The following LYSMD2 variants were observed in gnomAD, a reference collection of about 807,000 sequenced individuals.
LYSMD2 encodes lysM and putative peptidoglycan-binding domain-containing protein 2.
In LYSMD2, 6 loss-of-function variants were observed where a neutral mutation model predicts 17.7. That is an observed-to-expected ratio of 0.34 (90% CI 0.19 to 0.67). The LOEUF is 0.67. Among genes scored for constraint, LYSMD2 ranks in the 30% least tolerant of loss-of-function variants. The probability of loss-of-function intolerance (pLI) is 0.69; values close to 1 mark genes in which losing one functional copy is unlikely to be tolerated. For synonymous variants in LYSMD2, 102 were observed against 129.8 expected (o/e 0.79, Z 1.45); for missense variants, 237 against 286.7 (o/e 0.83, Z 1.25).
At chr15:51,735,656 A>G (rs909169110) in intron 1 of LYSMD2, among the ~76,000 whole-genome samples, 15 of 152,230 alleles carry the variant, frequency 9.9e-5, no homozygotes, top group African/African-American at 2.2e-4. Context: ...AATTTTAAAA[A>G]GGGGTAATGA....
chr15:51,733,604 T>G (rs2055590306), intron 1 of LYSMD2, among the ~76,000 whole-genome samples: 1 of 151,840 alleles, frequency 6.6e-6, no homozygotes, highest in South Asian at 2.1e-4. Flanking sequence ...AGGGAACAAA[T>G]CACTCAGCCA....
chr15:51,749,089 A>G (rs538630745), intron 1 of LYSMD2, among the ~76,000 whole-genome samples: 108 of 152,326 alleles, frequency 7.1e-4, no homozygotes, highest in Non-Finnish European at 1.3e-3. Context: ...TTCTGTTTCA[A>G]TTTTACATTT....
At chr15:51,730,378 T>A (rs1567228014) in intron 1 of LYSMD2, among the ~76,000 whole-genome samples, 1 of 152,220 alleles carries the variant, frequency 6.6e-6, no homozygotes, top group East Asian at 1.9e-4. Context: ...TAGCTGGGTG[T>A]GGTGGTGCAC....
At chr15:51,739,969 T>C (rs1270077523), upstream of LYSMD2, among the ~76,000 whole-genome samples, 2 of 152,084 alleles carry the variant, frequency 1.3e-5, no homozygotes, top group African/African-American at 4.8e-5. Context: ...TGTTTGTTTG[T>C]TTGTTTTGAG....
At chr15:51,724,376 T>C (rs2055522741) in intron 2 of LYSMD2, among the ~76,000 whole-genome samples, 1 of 152,196 alleles carries the variant, frequency 6.6e-6, no homozygotes, top group African/African-American at 2.4e-5. Context: ...ATGACACTAC[T>C]TCTCTTGAAA....
intron 1 of LYSMD2, among the ~76,000 whole-genome samples, chr15:51,725,978 C>A (rs995534079): frequency 3.9e-5 from 6 of 152,076 alleles, no homozygotes; most frequent in Non-Finnish European, 5.9e-5. Flanking sequence ...TTATGGGGAG[C>A]CTTTAATGCC....
chr15:51,726,430 A>G (rs2055540480), intron 1 of LYSMD2, among the ~76,000 whole-genome samples: 1 of 152,160 alleles, frequency 6.6e-6, no homozygotes, highest in South Asian at 2.1e-4. Flanking sequence ...ATAGGCTTCC[A>G]ATGACACTAA....
chr15:51,725,405 G>A (rs1322645680), intron 1 of LYSMD2, among the ~76,000 whole-genome samples: 1 of 152,156 alleles, frequency 6.6e-6, no homozygotes, highest in African/African-American at 2.4e-5. Flanking sequence ...TTAAATCTCT[G>A]AAGTTTAAAA....
intron 1 of LYSMD2, among the ~76,000 whole-genome samples, chr15:51,743,406 C>T (rs1478431356): frequency 6.6e-6 from 1 of 152,230 alleles, no homozygotes; most frequent in Non-Finnish European, 1.5e-5. Flanking sequence ...ATTAAGTTGT[C>T]TCTGCTCCTT....
At chr15:51,731,158 A>T (rs1048638227) in intron 1 of LYSMD2, among the ~76,000 whole-genome samples, 8 of 152,194 alleles carry the variant, frequency 5.3e-5, no homozygotes, top group African/African-American at 1.9e-4. Context: ...GAATTCCAAC[A>T]ATGGCCTCAC....
At chr15:51,739,786 A>G (rs994224383), upstream of LYSMD2, among the ~76,000 whole-genome samples, 5 of 151,970 alleles carry the variant, frequency 3.3e-5, no homozygotes, top group South Asian at 2.1e-4. Flanking sequence ...AACTTAATCG[A>G]GCATGTGGCC....
chr15:51,731,521 C>G (rs1236249278), intron 1 of LYSMD2, among the ~76,000 whole-genome samples: 1 of 152,180 alleles, frequency 6.6e-6, no homozygotes, highest in Non-Finnish European at 1.5e-5. Flanking sequence ...TAAGCAACAA[C>G]TTGGCTTAGC....
At chr15:51,725,643 T>C (rs905912381) in intron 1 of LYSMD2, among the ~76,000 whole-genome samples, 1 of 152,066 alleles carries the variant, frequency 6.6e-6, no homozygotes, top group African/African-American at 2.4e-5. Flanking sequence ...CACAGGGTTG[T>C]TGCAAGGATT....
At chr15:51,748,661 G>A (rs957379668) in intron 1 of LYSMD2, among the ~76,000 whole-genome samples, 175 of 152,174 alleles carry the variant, frequency 1.1e-3, no homozygotes, top group Admixed American at 1.8e-3. Context: ...CAATATGGCC[G>A]ACCCAGATTC....
chr15:51,732,243 G>C (rs143214055), intron 1 of LYSMD2, among the ~76,000 whole-genome samples: 1 of 152,106 alleles, frequency 6.6e-6, no homozygotes, highest in Non-Finnish European at 1.5e-5. Flanking sequence ...TCCAGGGTCC[G>C]CTCAGCTCCA....
intron 1 of LYSMD2, among the ~76,000 whole-genome samples, chr15:51,727,764 AGCTTCCT>A (rs1388741284): frequency 5.3e-5 from 8 of 152,238 alleles, no homozygotes; most frequent in African/African-American, 1.9e-4. Context: ...CTGGTCCACA[AGCTTCCT>A]AAAGTCAGGG....
chr15:51,737,780 G>T, upstream of LYSMD2: 4 of 484,822 alleles, frequency 8.3e-6, no homozygotes, highest in Non-Finnish European at 9.3e-6. The surrounding 1 kb of genome is among the most constrained non-coding windows in gnomAD (Gnocchi z 4.2). Flanking sequence ...CGCAGGCCGG[G>T]CATGGCGGGC....
At chr15:51,734,955 G>T (rs933027317) in intron 1 of LYSMD2, among the ~76,000 whole-genome samples, 1 of 152,144 alleles carries the variant, frequency 6.6e-6, no homozygotes, top group African/African-American at 2.4e-5. Flanking sequence ...TGGGTGGATT[G>T]CTTGAGCCCA....
chr15:51,723,245 T>C lies in LYSMD2; in HGVS notation c.*362A>G, dbSNP rs1352784728. On this transcript the variant is annotated 3_prime_UTR_variant, in exon 3 of 3. Coordinates refer to ENST00000267838, the MANE Select transcript of LYSMD2 (RefSeq NM_153374.3). ...AGCATCACTTAAACAGCAACCATAT[T>C]TTCACATAATCAGGATTGCATAAGG... The C allele has an allele frequency of 5.4e-6, 1 of 184,876 alleles. No homozygotes were observed. Among genetic ancestry groups the C allele is most frequent in the Non-Finnish European group, 1.1e-5 (1 of 87,658 alleles). The allele number at this position is 184,876 out of a possible 1,614,324, so 11.5% of individuals were successfully genotyped here. A position where few individuals can be genotyped will look rare whatever the true frequency, so the allele number is the denominator to read the frequency against.
Sources: gnomAD v4.1 joint callset for allele counts (sites outside exome capture counted in the v4.1 genomes callset) on GRCh38, gnomAD v4.1.1 for gene constraint, Gnocchi (gnomAD v3.1) non-coding constraint, MANE v1.5 for transcripts, NCBI Gene and HGNC (gene_info 2026-07-23, HGNC 2026-07-21) for gene names.